AP1S3: variants seen among roughly 807,000 people sequenced by gnomAD.
The protein encoded by AP1S3 is AP-1 complex subunit sigma-3.
AP1S3 carries 10 observed loss-of-function variants against 20.9 expected under a neutral mutation model. The observed-to-expected ratio is 0.48, with a 90% CI of 0.29 to 0.81. The LOEUF is 0.81. Ranked by LOEUF, AP1S3 falls within the 30% of genes least tolerant of loss-of-function variation. The pLI is 0.08. For missense variants in AP1S3, 154 were observed against 183.8 expected, an observed-to-expected ratio of 0.84 and a Z score of 0.94; for synonymous variants, 41 against 61.5, an observed-to-expected ratio of 0.67 and a Z score of 1.56.
At chr2:223,778,320 T>G (rs1224171203) in intron 1 of AP1S3, among the ~76,000 whole-genome samples, 1 of 152,042 alleles carries the variant, frequency 6.6e-6, no homozygotes, top group African/African-American at 2.4e-5. Context: ...GAGACGGGGA[T>G]TCACCATGTT....
chr2:223,806,545 A>G (rs1476146603), intron 1 of AP1S3, among the ~76,000 whole-genome samples: 1 of 152,032 alleles, frequency 6.6e-6, no homozygotes. Context: ...CAGCCTCCCA[A>G]AGTGCTGGGA....
chr2:223,767,192 G>C lies in AP1S3; in HGVS notation c.292-1842C>G, dbSNP rs57364363. Among the ~76,000 whole-genome samples, 1,088 of 151,796 alleles carry C rather than the reference G, an allele frequency of 7.2e-3. 20 individuals are homozygous for C. The highest frequency in any genetic ancestry group is 0.025 in the African/African-American group (1,016 of 41,418). ...AACTTAAAGTGTAATTTTAGAAAAAGGGAGGAGAAAAAAAAAAGAAAGAAA... is the reference window on the plus strand; with the variant it reads ...AACTTAAAGTGTAATTTTAGAAAAACGGAGGAGAAAAAAAAAAGAAAGAAA... On this transcript the variant is annotated intron_variant, in intron 3 of 4. Transcript: ENST00000396654.
intron 1 of AP1S3, among the ~76,000 whole-genome samples, chr2:223,807,443 G>A (rs1012104486): frequency 2.8e-4 from 43 of 152,146 alleles, no homozygotes; most frequent in African/African-American, 9.9e-4. Flanking sequence ...TTTGGGTTGA[G>A]AAAGAGCCCA....
intron 1 of AP1S3, among the ~76,000 whole-genome samples, chr2:223,824,659 T>C (rs953049831): frequency 3.3e-5 from 5 of 152,070 alleles, no homozygotes; most frequent in African/African-American, 1.2e-4. Context: ...TGCCTCAGCC[T>C]CCGGAGTGGC....
rs16865219 is a variant in AP1S3 at position 223,801,387 on chromosome 2, C to T, written c.4-23518G>A. Among the ~76,000 whole-genome samples, 815 of 152,316 alleles carry T rather than the reference C, an allele frequency of 5.4e-3. 7 individuals are homozygous for T. The highest frequency in any genetic ancestry group is 0.018 in the African/African-American group (753 of 41,562). ...GAAAGCAAAGAGATATACGCTGGCA[C>T]CAGTTAGACTGGCCTTGCCCACTTT... On this transcript the variant is annotated intron_variant, in intron 1 of 4. Transcript: ENST00000396654.
intron 1 of AP1S3, among the ~76,000 whole-genome samples, chr2:223,832,129 T>TTCTC (rs67077486): frequency 3.5e-4 from 21 of 60,300 alleles, no homozygotes; most frequent in African/African-American, 9.9e-4. Flanking sequence ...TAAAGGAGTT[T>TTCTC]TCTCTCTGTG....
chr2:223,765,371 G>C (rs1690451947), intron 3 of AP1S3, 21 bp from the exon 4 acceptor site: 1 of 1,589,876 alleles, frequency 6.3e-7, no homozygotes. Context: ...AAAAACAAAC[G>C]TTTTGATAAA....
At chr2:223,789,801 C>G (rs190866991) in intron 1 of AP1S3, among the ~76,000 whole-genome samples, 1,496 of 148,260 alleles carry the variant, frequency 0.01, 36 homozygotes, top group African/African-American at 0.036. Context: ...TCATGCCACT[C>G]CACTCCAGCC....
chr2:223,758,556 T>A lies in AP1S3; in HGVS notation c.*159A>T. 7.4e-7 allele frequency: 1 copy of A among 1,347,262 alleles called. No homozygotes were observed. The highest frequency in any genetic ancestry group is 9.5e-7 in the Non-Finnish European group (1 of 1,049,234). 83.5% of individuals were successfully genotyped at this position (1,347,262 alleles called of 1,614,324 possible). A position where few individuals can be genotyped will look rare whatever the true frequency, so the allele number is the denominator to read the frequency against. ...TAATAATACAGACACATAGTAATTA[T>A]AAATATGTTAAACAACTTTAACTTT... On this transcript the variant is annotated 3_prime_UTR_variant, in exon 5 of 5. Transcript: ENST00000396654.
chr2:223,757,451 C>T lies in AP1S3; in HGVS notation c.*1264G>A. ...ATAGGCATGAGCCACTGTACCCGGC[C>T]TAATTTTTGTATTTTTAGTAGAGAT... On this transcript the variant is annotated 3_prime_UTR_variant, in exon 5 of 5. Transcript: ENST00000396654. The T allele has an allele frequency of 3.0e-6, 1 of 329,524 alleles. No individual in the cohort carries two copies. The highest frequency in any genetic ancestry group is 2.2e-5 in the African/African-American group (1 of 44,636). 20.4% of individuals were successfully genotyped at this position (329,524 alleles called of 1,614,324 possible).
At chr2:223,767,437 G>C (rs1157493608) in intron 3 of AP1S3, among the ~76,000 whole-genome samples, 1 of 151,986 alleles carries the variant, frequency 6.6e-6, no homozygotes. Context: ...GGTGTGCCTA[G>C]CACATATCAG....
chr2:223,826,537 G>A (rs1421761908), intron 1 of AP1S3, among the ~76,000 whole-genome samples: 1 of 152,198 alleles, frequency 6.6e-6, no homozygotes, highest in African/African-American at 2.4e-5. Flanking sequence ...GGGTCGCAGT[G>A]AGCAGAGATT....
At chr2:223,776,288 T>C in intron 2 of AP1S3, 1 of 457,702 alleles carries the variant, frequency 2.2e-6, no homozygotes. Context: ...CCTTTCGCTC[T>C]TGGTAATCAG....
intron 1 of AP1S3, among the ~76,000 whole-genome samples, chr2:223,831,733 G>C (rs73991882): frequency 6.6e-6 from 1 of 152,118 alleles, no homozygotes; most frequent in Non-Finnish European, 1.5e-5. Flanking sequence ...ACTGGCTATC[G>C]TAACAACAAA....
chr2:223,823,176 A>C (rs1290779877), intron 1 of AP1S3, among the ~76,000 whole-genome samples: 1 of 152,214 alleles, frequency 6.6e-6, no homozygotes, highest in Non-Finnish European at 1.5e-5. Flanking sequence ...AGAAAACAGT[A>C]TCAAGGCCCC....
intron 1 of AP1S3, among the ~76,000 whole-genome samples, chr2:223,808,236 A>G (rs1246607309): frequency 6.6e-6 from 1 of 152,276 alleles, no homozygotes; most frequent in Non-Finnish European, 1.5e-5. Context: ...CTGAGCTTCA[A>G]GGTTCAACGA....
At chr2:223,786,810 C>G (rs1376014378) in intron 1 of AP1S3, among the ~76,000 whole-genome samples, 1 of 151,960 alleles carries the variant, frequency 6.6e-6, no homozygotes, top group African/African-American at 2.4e-5. Flanking sequence ...GGGACTAAGG[C>G]AGGAGGATCA....
At position 223,832,814 on chromosome 2, in the gene AP1S3, T is replaced by C. The variant is rs1433996235; in HGVS notation, c.3+4634A>G. Among the ~76,000 whole-genome samples, 14 of 146,880 alleles carry C rather than the reference T, an allele frequency of 9.5e-5. No individual in the cohort carries two copies. The East Asian group carries it at 1.5e-3, about 16-fold the overall frequency. ...GAATTTTTTTTCTTTTTTCTTTTTT[T>C]TTTTTTTTTTTAGGAGAAGGGTGTA... On this transcript the variant is annotated intron_variant, in intron 1 of 4. Coordinates refer to ENST00000396654, the MANE Select transcript of AP1S3 (RefSeq NM_001039569.2).
chr2:223,782,971 T>C (rs1391182437), intron 1 of AP1S3, among the ~76,000 whole-genome samples: 1 of 152,228 alleles, frequency 6.6e-6, no homozygotes, highest in Non-Finnish European at 1.5e-5. Context: ...CAGGGCACAT[T>C]TGAATAATAC....
Sources: allele counts gnomAD v4.1 joint callset (sites outside exome capture counted in the v4.1 genomes callset), GRCh38; gene constraint gnomAD v4.1.1; transcripts MANE v1.5; gene names NCBI Gene and HGNC (gene_info 2026-07-23, HGNC 2026-07-21).